The following TYW1B variants were observed in gnomAD, a reference collection of about 807,000 sequenced individuals.
TYW1B encodes the protein tRNA-yW synthesizing protein 1 homolog B.
A neutral mutation model predicts 86.9 loss-of-function variants in TYW1B; 73 were observed. The observed-to-expected ratio is 0.84, with a 90% confidence interval of 0.70 to 1.02. The LOEUF (loss-of-function observed/expected upper bound fraction) is 1.02. Among genes scored for constraint, TYW1B ranks in the 50% least tolerant of loss-of-function variants. The pLI, the probability that TYW1B is intolerant of heterozygous loss-of-function variation, is 0.00. For missense variants in TYW1B, 637 were observed against 827.4 expected, an observed-to-expected ratio of 0.77 and a Z score of 2.82; for synonymous variants, 248 against 292.8, an observed-to-expected ratio of 0.85 and a Z score of 1.56.
intron 11 of TYW1B, among the ~76,000 whole-genome samples, chr7:72,682,159 T>A (rs1554448572): frequency 6.6e-6 from 1 of 151,752 alleles, no homozygotes; most frequent in African/African-American, 2.4e-5. Flanking sequence ...ATTAAAGGCA[T>A]GAGCCACCAC....
intron 7 of TYW1B, among the ~76,000 whole-genome samples, chr7:72,760,654 G>T (rs188478504): frequency 6.6e-6 from 1 of 152,270 alleles, no homozygotes; most frequent in Non-Finnish European, 1.5e-5. Flanking sequence ...ATGCCTTTCA[G>T]TTCACATGAC....
Position 72,669,576 on chromosome 7 carries a change from G to T in TYW1B, c.1506+25111C>A, listed in dbSNP as rs2129569658. On this transcript the variant is annotated intron_variant, in intron 11 of 13. Transcript: ENST00000620995. ...AGGCCAGTTGTTCAAGACTAGCCTG[G>T]CCAACATGGCGAAACCCTGCCTCTT... 1.3e-5 allele frequency among the ~76,000 whole-genome samples: 2 copies of T among 152,040 alleles called. 1 individual carries two copies. Among genetic ancestry groups the T allele is most frequent in the South Asian group, 4.2e-4 (2 of 4,814 alleles).
intron 4 of TYW1B, among the ~76,000 whole-genome samples, chr7:72,809,176 G>A (rs562865680): frequency 5.3e-5 from 8 of 151,806 alleles, no homozygotes; most frequent in African/African-American, 1.4e-4. Flanking sequence ...CCGAGTAGCT[G>A]GGACTACAGG....
chr7:72,721,606 T>TCA lies in TYW1B; in HGVS notation c.1192+7214_1192+7215dup, dbSNP rs530269832. Reference sequence around the variant, plus strand: ...AGTGCTGTTTCCCATTATCTCACACTCACACACACACACACATGCACACAC... The same window carrying TCA: ...AGTGCTGTTTCCCATTATCTCACACTCACACACACACACACACATGCACACAC... On this transcript the variant is annotated intron_variant, in intron 9 of 13. Coordinates refer to ENST00000620995, the MANE Select transcript of TYW1B (RefSeq NM_001145440.3). Among the ~76,000 whole-genome samples, 273 of 150,222 alleles carry TCA rather than the reference T, an allele frequency of 1.8e-3. 1 individual carries two copies. The East Asian group carries it at 0.021, about 12-fold the overall frequency.
chr7:72,606,197 T>TA lies in TYW1B; in HGVS notation c.1785+10474dup, dbSNP rs35282840. Among the ~76,000 whole-genome samples the TA allele has an allele frequency of 3.7e-3, 529 of 142,794 alleles. 1 individual carries two copies. The highest frequency in any genetic ancestry group is 0.012 in the African/African-American group (452 of 38,766). The allele number at this position is 142,794 out of a possible 152,430, so 93.7% of individuals were successfully genotyped here. ...CCAATGGCTGCAGACAACTATTGGA[T>TA]AAAAAAAAAAAGAGTCCCAAGTAAA... On this transcript the variant is annotated intron_variant, in intron 13 of 13. Transcript: ENST00000620995.
At chr7:72,723,657 C>G (rs1342239432) in intron 9 of TYW1B, among the ~76,000 whole-genome samples, 2 of 151,974 alleles carry the variant, frequency 1.3e-5, no homozygotes, top group African/African-American at 2.4e-5. Flanking sequence ...GCCTGTAATC[C>G]CAGATATTTG....
intron 13 of TYW1B, among the ~76,000 whole-genome samples, chr7:72,610,414 G>A (rs1327996117): frequency 6.6e-6 from 1 of 151,814 alleles, no homozygotes; most frequent in African/African-American, 2.4e-5. Flanking sequence ...CATCTCCATG[G>A]ACGACACCAT....
intron 9 of TYW1B, among the ~76,000 whole-genome samples, chr7:72,721,655 C>A (rs1786905823): frequency 6.6e-6 from 1 of 152,064 alleles, no homozygotes. Flanking sequence ...CACACAGGCA[C>A]ACATACACGC....
chr7:72,731,593 T>C (rs1431701459), intron 8 of TYW1B, among the ~76,000 whole-genome samples: 1 of 151,866 alleles, frequency 6.6e-6, no homozygotes, highest in Non-Finnish European at 1.5e-5. Context: ...ACTTCACCTG[T>C]AAAGATATAC....
At chr7:72,663,603 A>G (rs576905337) in intron 11 of TYW1B, among the ~76,000 whole-genome samples, 3 of 151,648 alleles carry the variant, frequency 2.0e-5, no homozygotes, top group Admixed American at 6.6e-5. Context: ...CTAAATATAT[A>G]TATATAAAAA....
chr7:72,784,524 GTCTC>G (rs1788096756), intron 6 of TYW1B, among the ~76,000 whole-genome samples: 1 of 152,148 alleles, frequency 6.6e-6, no homozygotes, highest in Non-Finnish European at 1.5e-5. Flanking sequence ...AGACAGGGTT[GTCTC>G]AGGCTGTTGC....
intron 11 of TYW1B, among the ~76,000 whole-genome samples, chr7:72,669,967 AT>A: frequency 2.0e-5 from 3 of 150,960 alleles, no homozygotes; most frequent in African/African-American, 7.3e-5. Context: ...AAATAAATAA[AT>A]AAATAAATAA....
At chr7:72,604,168 AAAT>A (rs1811741956) in intron 13 of TYW1B, among the ~76,000 whole-genome samples, 1 of 152,140 alleles carries the variant, frequency 6.6e-6, no homozygotes, top group Non-Finnish European at 1.5e-5. Flanking sequence ...CTATTGAAAA[AAAT>A]AATAATAATT....
intron 5 of TYW1B, among the ~76,000 whole-genome samples, chr7:72,803,347 G>C (rs1392621673): frequency 1.3e-5 from 2 of 152,048 alleles, no homozygotes; most frequent in East Asian, 3.9e-4. Flanking sequence ...CTGGGCTCAG[G>C]GGAACGAGAC....
At chr7:72,663,826 C>A (rs1485890024) in intron 11 of TYW1B, among the ~76,000 whole-genome samples, 3 of 146,716 alleles carry the variant, frequency 2.0e-5, no homozygotes, top group African/African-American at 7.5e-5. Context: ...TTAGTTCCAA[C>A]TTGGAGTCTC....
At chr7:72,676,430 C>T (rs1280508885) in intron 11 of TYW1B, among the ~76,000 whole-genome samples, 3 of 152,128 alleles carry the variant, frequency 2.0e-5, no homozygotes, top group African/African-American at 4.8e-5. Context: ...GTCTGCTGTA[C>T]ACTATATTTA....
chr7:72,622,772 C>G (rs1189440720), intron 12 of TYW1B, among the ~76,000 whole-genome samples: 1 of 151,404 alleles, frequency 6.6e-6, no homozygotes, highest in Non-Finnish European at 1.5e-5. Context: ...CACACACATG[C>G]ACGCACACAA....
intron 13 of TYW1B, among the ~76,000 whole-genome samples, chr7:72,582,116 C>A (rs1585823925): frequency 6.7e-6 from 1 of 149,820 alleles, no homozygotes. Context: ...GTCCATAAGA[C>A]CCAATTTAAA....
chr7:72,788,682 G>A (rs1224221721), intron 6 of TYW1B, among the ~76,000 whole-genome samples: 5 of 152,172 alleles, frequency 3.3e-5, no homozygotes, highest in East Asian at 3.9e-4. Flanking sequence ...ACAGGCATGC[G>A]CCACCATACC....
Sources: allele counts gnomAD v4.1 joint callset (sites outside exome capture counted in the v4.1 genomes callset), GRCh38; gene constraint gnomAD v4.1.1; transcripts MANE v1.5; gene names NCBI Gene and HGNC (gene_info 2026-07-23, HGNC 2026-07-21).